B3GAT2: variants seen among roughly 807,000 people sequenced by gnomAD.
B3GAT2 encodes beta-1,3-glucuronyltransferase 2, also known as galactosylgalactosylxylosylprotein 3-beta-glucuronosyltransferase 2.
In B3GAT2, 26 loss-of-function variants were observed where a neutral mutation model predicts 27.8. The observed-to-expected ratio is 0.93, with a 90% CI of 0.68 to 1.30. The LOEUF (loss-of-function observed/expected upper bound fraction) is 1.30. B3GAT2 is among the 50% of genes most tolerant of loss of function. The pLI, the probability that B3GAT2 is intolerant of heterozygous loss-of-function variation, is 0.00. For missense variants in B3GAT2, 458 were observed against 459.0 expected, an observed-to-expected ratio of 1.00 and a Z score of 0.02; for synonymous variants, 218 against 195.1, an observed-to-expected ratio of 1.12 and a Z score of -0.98.
chr6:70,912,781 G>T (rs977344998), intron 1 of B3GAT2, among the ~76,000 whole-genome samples: 1 of 152,090 alleles, frequency 6.6e-6, no homozygotes, highest in East Asian at 1.9e-4. Context: ...GCAGAATTTG[G>T]TTGTGGATCC....
At chr6:70,928,627 C>G (rs1256763589) in intron 1 of B3GAT2, among the ~76,000 whole-genome samples, 2 of 152,162 alleles carry the variant, frequency 1.3e-5, no homozygotes, top group Non-Finnish European at 1.5e-5. Context: ...CCTCCCAAGA[C>G]TAAACCAGGA....
At chr6:70,930,359 A>T (rs1202115172) in intron 1 of B3GAT2, among the ~76,000 whole-genome samples, 1 of 152,066 alleles carries the variant, frequency 6.6e-6, no homozygotes, top group Non-Finnish European at 1.5e-5. Flanking sequence ...AATTAAACTA[A>T]AGAGCTTCTG....
chr6:70,956,186 T>C lies in B3GAT2; in HGVS notation c.244A>G (p.Ile82Val), dbSNP rs556286650. The change falls in exon 1 of 4, where the codon ATC (isoleucine) becomes GTC (valine). Residue 82 changes from isoleucine to valine, a missense_variant. Physicochemically the swap from Ile to Val is conservative, Grantham distance 29 (BLOSUM62 3). Coordinates refer to ENST00000230053, the MANE Select transcript of B3GAT2 (RefSeq NM_080742.3). ...QPQPEPQLPT[I>V]YAITPTYSRP... ...CTGTAGGTGGGCGTGATGGCATAGA[T>C]GGTGGGCAGCTGCGGCTCCGGCTGT... The C allele has an allele frequency of 1.9e-6, 3 of 1,611,586 alleles. No homozygotes were observed. The highest frequency in any genetic ancestry group is 4.5e-5 in the East Asian group (2 of 44,824).
At chr6:70,906,559 C>CA (rs1014241521) in intron 1 of B3GAT2, among the ~76,000 whole-genome samples, 69 of 152,092 alleles carry the variant, frequency 4.5e-4, no homozygotes, top group African/African-American at 1.6e-3. Flanking sequence ...AGGCTGGTCT[C>CA]AAACTCCTGG....
rs1420873659 is a variant in B3GAT2 at position 70,957,057 on chromosome 6, C to G, written c.-628G>C. 2 of 986,150 alleles carry G rather than the reference C, an allele frequency of 2.0e-6. No homozygotes were observed. The highest frequency in any genetic ancestry group is 1.2e-6 in the Non-Finnish European group (1 of 830,658). The allele number at this position is 986,150 out of a possible 1,614,324, so 61.1% of individuals were successfully genotyped here. ...CTTCTCAGAACCTCTCCGGATCCAG[C>G]AGCAAGATCCCAAAGCAAGGAAAGA... On this transcript the variant is annotated 5_prime_UTR_variant, in exon 1 of 4. Coordinates refer to ENST00000230053, the MANE Select transcript of B3GAT2 (RefSeq NM_080742.3).
At chr6:70,911,372 T>C (rs1772687002) in intron 1 of B3GAT2, among the ~76,000 whole-genome samples, 1 of 152,166 alleles carries the variant, frequency 6.6e-6, no homozygotes, top group Non-Finnish European at 1.5e-5. Flanking sequence ...TGCATATGGG[T>C]AGCGATCCAT....
intron 2 of B3GAT2, among the ~76,000 whole-genome samples, chr6:70,884,445 C>A (rs1472543483): frequency 6.6e-6 from 1 of 152,122 alleles, no homozygotes; most frequent in Non-Finnish European, 1.5e-5. Flanking sequence ...AAGCTATTAC[C>A]ATCAGAGACT....
At position 70,860,113 on chromosome 6, in the gene B3GAT2, T is replaced by G. The variant is rs777832095; in HGVS notation, c.*1550A>C. The G allele has an allele frequency of 2.4e-5, 35 of 1,447,910 alleles. No individual in the cohort carries two copies. In the Middle Eastern group the frequency reaches 1.1e-3, roughly 46 times the overall value. The allele number at this position is 1,447,910 out of a possible 1,614,324, so 89.7% of individuals were successfully genotyped here. A position where few individuals can be genotyped will look rare whatever the true frequency, so the allele number is the denominator to read the frequency against. On this transcript the variant is annotated 3_prime_UTR_variant, in exon 4 of 4. Coordinates refer to ENST00000230053, the MANE Select transcript of B3GAT2 (RefSeq NM_080742.3). ...GTGCTTGGACTAGTTGTCACATTAA[T>G]GAAAAAATGACCAACTGTGTGGCTA...
At chr6:70,917,008 G>T (rs1221168710) in intron 1 of B3GAT2, among the ~76,000 whole-genome samples, 2 of 152,146 alleles carry the variant, frequency 1.3e-5, no homozygotes, top group Non-Finnish European at 2.9e-5. Flanking sequence ...GTAGAATTTG[G>T]CTGTGAGTCT....
intron 2 of B3GAT2, among the ~76,000 whole-genome samples, chr6:70,873,807 C>G (rs1771974060): frequency 6.6e-6 from 1 of 151,968 alleles, no homozygotes; most frequent in South Asian, 2.1e-4. Flanking sequence ...AATTCTTCTG[C>G]CTGCTGAAAC....
intron 1 of B3GAT2, among the ~76,000 whole-genome samples, chr6:70,941,062 A>G (rs1171557195): frequency 6.6e-6 from 1 of 152,116 alleles, no homozygotes; most frequent in Non-Finnish European, 1.5e-5. Context: ...GACAAGCCCT[A>G]TTTAACTCTT....
At chr6:70,934,895 T>A (rs1170056901) in intron 1 of B3GAT2, among the ~76,000 whole-genome samples, 1 of 152,246 alleles carries the variant, frequency 6.6e-6, no homozygotes, top group Non-Finnish European at 1.5e-5. Context: ...GTTTAATAGT[T>A]AATTACCCAA....
At chr6:70,930,663 G>A (rs995337813) in intron 1 of B3GAT2, among the ~76,000 whole-genome samples, 33 of 152,090 alleles carry the variant, frequency 2.2e-4, no homozygotes, top group African/African-American at 5.3e-4. Context: ...TTAGAATGGC[G>A]ATCATTAAAA....
intron 1 of B3GAT2, among the ~76,000 whole-genome samples, chr6:70,942,955 T>A (rs757157068): frequency 6.6e-6 from 1 of 152,130 alleles, no homozygotes; most frequent in Non-Finnish European, 1.5e-5. Flanking sequence ...TTTAGGAATA[T>A]CTGCAGTTCA....
At chr6:70,924,455 A>T (rs1219568352) in intron 1 of B3GAT2, among the ~76,000 whole-genome samples, 2 of 152,232 alleles carry the variant, frequency 1.3e-5, no homozygotes, top group African/African-American at 4.8e-5. Context: ...CTGAATAGCC[A>T]AAAGAATCTT....
chr6:70,857,387 A>G lies in B3GAT2; in HGVS notation c.*4276T>C, dbSNP rs113637381. 188 of 174,406 alleles carry G rather than the reference A, an allele frequency of 1.1e-3. No homozygotes were observed. Among genetic ancestry groups the G allele is most frequent in the African/African-American group, 4.3e-3 (181 of 42,316 alleles). The allele number at this position is 174,406 out of a possible 1,614,324, so 10.8% of individuals were successfully genotyped here. On this transcript the variant is annotated 3_prime_UTR_variant, in exon 4 of 4. Coordinates refer to ENST00000230053, the MANE Select transcript of B3GAT2 (RefSeq NM_080742.3). ...CAGGTAAACAGTCTTGAGTTACCAC[A>G]TGGATTAAAAAAAATCTATGAATTT...
chr6:70,887,637 A>G (rs2150028912), intron 2 of B3GAT2, among the ~76,000 whole-genome samples: 2 of 152,284 alleles, frequency 1.3e-5, no homozygotes, highest in East Asian at 3.9e-4. Flanking sequence ...CGGAGCCTCA[A>G]CAATTATAAT....
chr6:70,945,121 G>A (rs970811899), intron 1 of B3GAT2, among the ~76,000 whole-genome samples: 14 of 152,036 alleles, frequency 9.2e-5, no homozygotes, highest in Non-Finnish European at 1.8e-4. Context: ...CAAAGATGGG[G>A]AAAAAACAGA....
rs1765666161 is a variant in B3GAT2 at position 70,956,836 on chromosome 6, TGCGGGCACAAGGGCTCCAGCC to T, written c.-428_-408del. ...CCTCGCCGCTCCAGTCCGGCGGTGC[TGCGGGCACAAGGGCTCCAGCC>T]GCGGGCCCCCAGGACGCTCTCTGGG... is the stretch of plus-strand genomic sequence containing the variant. On this transcript the variant is annotated 5_prime_UTR_variant, in exon 1 of 4. Transcript: ENST00000230053. 6.6e-6 allele frequency: 7 copies of T among 1,059,554 alleles called. No homozygotes were observed. The highest frequency in any genetic ancestry group is 1.7e-5 in the African/African-American group (1 of 57,858). 65.6% of individuals were successfully genotyped at this position (1,059,554 alleles called of 1,614,324 possible).
Sources: allele counts gnomAD v4.1 joint callset (sites outside exome capture counted in the v4.1 genomes callset), GRCh38; gene constraint gnomAD v4.1.1; transcripts MANE v1.5; gene names NCBI Gene and HGNC (gene_info 2026-07-23, HGNC 2026-07-21).